Variants in NCOR2 observed in about 807,000 individuals in gnomAD.
The protein encoded by NCOR2 is nuclear receptor corepressor 2, also known as CTG repeat protein 26.
NCOR2 carries 81 observed loss-of-function variants against 262.9 expected under a neutral mutation model. The ratio of observed to expected loss-of-function variants is 0.31; its 90% CI spans 0.26 to 0.37. The LOEUF is 0.37. Among genes scored for constraint, NCOR2 ranks in the 10% least tolerant of loss-of-function variants. The pLI is 1.00. For synonymous variants in NCOR2, 1,659 were observed against 1,559.3 expected (o/e 1.06, Z -1.51); for missense variants, 3,385 against 3,621.4 (o/e 0.93, Z 1.68).
intron 44 of NCOR2, among the ~76,000 whole-genome samples, chr12:124,329,813 TAC>T (rs917804602): frequency 6.6e-6 from 1 of 152,220 alleles, no homozygotes; most frequent in Non-Finnish European, 1.5e-5. Flanking sequence ...CATGAGTTTT[TAC>T]ACACAGATAC....
intron 10 of NCOR2, 98 bp from the exon 13 acceptor site, chr12:124,426,898 C>A (rs571072150): frequency 1.9e-5 from 23 of 1,209,396 alleles, no homozygotes; most frequent in Non-Finnish European, 2.3e-5. Flanking sequence ...GGATGGTCTG[C>A]GCCAGAGCAG....
intron 8 of NCOR2, among the ~76,000 whole-genome samples, chr12:124,435,253 G>C (rs958014939): frequency 1.3e-5 from 2 of 152,180 alleles, no homozygotes; most frequent in African/African-American, 4.8e-5. Flanking sequence ...CCAGATTACC[G>C]GTCTGTTTCC....
At chr12:124,369,313 G>A (rs547309844) in intron 20 of NCOR2, among the ~76,000 whole-genome samples, 4 of 152,210 alleles carry the variant, frequency 2.6e-5, no homozygotes, top group Middle Eastern at 3.2e-3. Context: ...CCAGCGGGCC[G>A]AAGGAGAATG....
intron 7 of NCOR2, among the ~76,000 whole-genome samples, chr12:124,448,542 C>T (rs1028802385): frequency 6.6e-5 from 10 of 152,186 alleles, no homozygotes; most frequent in Middle Eastern, 3.2e-3. Context: ...ATGACCCCCC[C>T]GCCAGCCACG....
intron 6 of NCOR2, among the ~76,000 whole-genome samples, chr12:124,452,375 C>T (rs951143672): frequency 6.6e-6 from 1 of 152,236 alleles, no homozygotes; most frequent in Non-Finnish European, 1.5e-5. Context: ...CTTAAAGGTT[C>T]GGGTTTTGGA....
rs116068010 is a variant in NCOR2 at position 124,374,547 on chromosome 12, G to A, written c.2168-84C>T. 4.6e-5 allele frequency: 61 copies of A among 1,330,738 alleles called. No individual in the cohort carries two copies. In the South Asian group the frequency reaches 6.5e-4, roughly 14 times the overall value. The allele number at this position is 1,330,738 out of a possible 1,614,324, so 82.4% of individuals were successfully genotyped here. ...GGAGGAGGCAACGTGGCCAAGAGGG[G>A]CCTGAAGCCCAGTGCACAGCAGTGA... On this transcript the variant is annotated intron_variant, in intron 18 of 46. Transcript: ENST00000405201.
At chr12:124,420,076 A>T in intron 12 of NCOR2, 21 bp from the exon 15 acceptor site, 1 of 1,597,708 alleles carries the variant, frequency 6.3e-7, no homozygotes, top group Non-Finnish European at 8.6e-7. Flanking sequence ...GAGAAAGAGG[A>T]CGCTGAGCAG....
chr12:124,324,441 A>T (rs1191749837), exon 47 of NCOR2: 2 of 152,240 alleles, frequency 1.3e-5, no homozygotes, highest in African/African-American at 4.8e-5. Context: ...TTTTAATTAG[A>T]ACGACGTGTG....
At chr12:124,465,877 C>T (rs541212806) in intron 5 of NCOR2, among the ~76,000 whole-genome samples, 39 of 152,228 alleles carry the variant, frequency 2.6e-4, no homozygotes, top group Non-Finnish European at 5.0e-4. Flanking sequence ...TGGCCATCAG[C>T]TGGACCCTGG....
At chr12:124,433,468 C>A (rs550555260) in intron 8 of NCOR2, among the ~76,000 whole-genome samples, 28 of 152,318 alleles carry the variant, frequency 1.8e-4, no homozygotes, top group Admixed American at 5.2e-4. Context: ...TCCACATTGC[C>A]GGCAGGGCGC....
intron 24 of NCOR2, chr12:124,355,192 G>A: frequency 1.6e-6 from 1 of 617,828 alleles, no homozygotes; most frequent in East Asian, 2.9e-5. Context: ...TAAGTAACTT[G>A]CCTGAGGCCA....
chr12:124,357,556 A>G (rs2038045526), intron 22 of NCOR2, among the ~76,000 whole-genome samples: 1 of 152,182 alleles, frequency 6.6e-6, no homozygotes, highest in Non-Finnish European at 1.5e-5. Context: ...CTTGGCCTCC[A>G]GAGTGCTGGA....
At chr12:124,479,662 G>A (rs924845234) in intron 3 of NCOR2, among the ~76,000 whole-genome samples, 2 of 152,270 alleles carry the variant, frequency 1.3e-5, no homozygotes, top group African/African-American at 4.8e-5. Flanking sequence ...TCTCTCCCAG[G>A]AGGCTGAGCT....
Position 124,343,993 on chromosome 12 carries a change from C to T in NCOR2, c.4714+604G>A, listed in dbSNP as rs142890799. On this transcript the variant is annotated intron_variant, in intron 32 of 46. Transcript: ENST00000405201. The stretch of plus-strand genomic sequence containing the variant: ...GGAGATAGGGGGTCTGGTTAGAAGC[C>T]TCCCCAAGGATGTAATATGTAAACA... Among the ~76,000 whole-genome samples the T allele has an allele frequency of 1.8e-3, 273 of 152,258 alleles. 1 individual carries two copies. The highest frequency in any genetic ancestry group is 2.8e-3 in the Non-Finnish European group (190 of 68,010).
At chr12:124,500,311 G>A (rs1263746159) in intron 1 of NCOR2, among the ~76,000 whole-genome samples, 13 of 152,292 alleles carry the variant, frequency 8.5e-5, no homozygotes, top group Non-Finnish European at 8.8e-5. Flanking sequence ...CCCCATGCAC[G>A]GCTGCAGGGG....
chr12:124,526,979 A>G lies in NCOR2; in HGVS notation c.-118+8586T>C, dbSNP rs149727966. Among the ~76,000 whole-genome samples the G allele has an allele frequency of 4.4e-3, 669 of 152,308 alleles. 6 individuals carry two copies. The highest frequency in any genetic ancestry group is 0.015 in the African/African-American group (630 of 41,564). On this transcript the variant is annotated intron_variant, in intron 1 of 46. Coordinates refer to the NCOR2 transcript ENST00000404621. ...CAGCCAATCAGGGCCGCTGAAAGAG[A>G]AAGAGAAGATCTGGAAAGAAGCTAT...
At chr12:124,444,735 C>T (rs538992879) in intron 7 of NCOR2, among the ~76,000 whole-genome samples, 2 of 151,992 alleles carry the variant, frequency 1.3e-5, no homozygotes, top group Non-Finnish European at 1.5e-5. Flanking sequence ...GAAGAGACTG[C>T]GGGTTGGGGT....
intron 16 of NCOR2, among the ~76,000 whole-genome samples, chr12:124,395,303 G>A (rs984380084): frequency 6.6e-6 from 1 of 152,040 alleles, no homozygotes; most frequent in South Asian, 2.1e-4. Context: ...GGAGTTGCTG[G>A]GGCCTGCCAG....
chr12:124,331,014 T>G (rs2035140765), intron 43 of NCOR2, 116 bp from the exon 46 acceptor site: 1 of 1,054,298 alleles, frequency 9.5e-7, no homozygotes, highest in Non-Finnish European at 1.4e-6. Flanking sequence ...ACTTGTGCAT[T>G]GCAGGTTCTC....
Sources: allele counts gnomAD v4.1 joint callset (sites outside exome capture counted in the v4.1 genomes callset), GRCh38; gene constraint gnomAD v4.1.1; transcripts MANE v1.5; gene names NCBI Gene and HGNC (gene_info 2026-07-23, HGNC 2026-07-21).